Variants in SFT2D1 observed in about 807,000 individuals in gnomAD.
SFT2D1 encodes the protein SFT2 domain containing 1.
A neutral mutation model predicts 28.1 loss-of-function variants in SFT2D1; 24 were observed. The observed-to-expected ratio is 0.85, with a 90% CI of 0.62 to 1.20. SFT2D1 has a LOEUF of 1.20. Among genes scored for constraint, SFT2D1 ranks in the 50% most tolerant of loss-of-function variants. The probability of loss-of-function intolerance (pLI) is 0.00; values close to 1 mark genes in which losing one functional copy is unlikely to be tolerated. For synonymous variants in SFT2D1, 82 were observed against 73.7 expected (o/e 1.11, Z -0.58); for missense variants, 181 against 190.9 (o/e 0.95, Z 0.31).
At chr6:166,322,637 G>C (rs539281384) in intron 7 of SFT2D1, among the ~76,000 whole-genome samples, 22 of 143,588 alleles carry the variant, frequency 1.5e-4, no homozygotes, top group African/African-American at 5.5e-4. Context: ...ATTACAGTGA[G>C]CCGAGATGGT....
intron 1 of SFT2D1, among the ~76,000 whole-genome samples, chr6:166,332,404 G>A (rs747589689): frequency 2.0e-5 from 3 of 152,092 alleles, no homozygotes; most frequent in Non-Finnish European, 4.4e-5. Flanking sequence ...ACAGGTCCAC[G>A]CCACCAGGCC....
intron 1 of SFT2D1, chr6:166,335,011 G>C: frequency 4.0e-6 from 2 of 498,158 alleles, no homozygotes; most frequent in Non-Finnish European, 7.7e-6. Flanking sequence ...CCAAGAAAAG[G>C]GGCTATGCCT....
intron 4 of SFT2D1, among the ~76,000 whole-genome samples, chr6:166,327,687 C>T (rs979430986): frequency 2.0e-5 from 3 of 152,166 alleles, no homozygotes; most frequent in African/African-American, 7.2e-5. Flanking sequence ...CAGCTCTAGG[C>T]TCCATTTAAA....
intron 1 of SFT2D1, among the ~76,000 whole-genome samples, chr6:166,337,997 A>G (rs1778692242): frequency 1.3e-5 from 2 of 152,204 alleles, no homozygotes; most frequent in East Asian, 3.8e-4. Context: ...ACCAGAGGCA[A>G]CAGTGTGACA....
intron 1 of SFT2D1, among the ~76,000 whole-genome samples, chr6:166,337,415 C>G (rs1029854028): frequency 1.3e-5 from 2 of 152,164 alleles, no homozygotes; most frequent in Non-Finnish European, 2.9e-5. Flanking sequence ...GCACAGGACA[C>G]TTTGGCACTC....
At position 166,328,295 on chromosome 6, in the gene SFT2D1, A is replaced by G; in HGVS notation, c.296T>C (p.Leu99Pro). 6.3e-7 allele frequency: 1 copy of G among 1,592,412 alleles called. No homozygotes were observed. Among genetic ancestry groups the G allele is most frequent in the South Asian group, 1.2e-5 (1 of 86,416 alleles). The change falls in exon 4 of 8, where the codon CTT (leucine) becomes CCT (proline). Residue 99 changes from leucine to proline, a missense_variant. Physicochemically the swap from Leu to Pro is moderately conservative, Grantham distance 98 (BLOSUM62 -3). Transcript: ENST00000361731. ...ACTTACAAGCATAACAATTGTTGCA[A>G]GCAATCTTGTTGCTTCAAACATTTT... ...LKKMFEATRL[L>P]ATIVMLLCFI...
chr6:166,328,422 AACT>A (rs1426961698), intron 3 of SFT2D1, 65 bp from the exon 4 acceptor site: 2 of 959,636 alleles, frequency 2.1e-6, no homozygotes, highest in South Asian at 4.2e-5. Context: ...TGCAAAAATA[AACT>A]ACTTTTTTAA....
intron 4 of SFT2D1, 22 bp downstream of exon 4, chr6:166,328,254 T>A (rs1352144710): frequency 2.0e-6 from 3 of 1,514,856 alleles, no homozygotes; most frequent in East Asian, 2.3e-5. Flanking sequence ...ATAAAAGTTT[T>A]AAAAATGTAT....
At chr6:166,332,213 GA>G (rs888502655) in intron 1 of SFT2D1, among the ~76,000 whole-genome samples, 1 of 152,176 alleles carries the variant, frequency 6.6e-6, no homozygotes, top group Non-Finnish European at 1.5e-5. Flanking sequence ...CAACATGAAA[GA>G]AAACCTGGCA....
At chr6:166,339,056 C>T (rs554355360) in intron 1 of SFT2D1, among the ~76,000 whole-genome samples, 3 of 152,248 alleles carry the variant, frequency 2.0e-5, no homozygotes, top group East Asian at 1.9e-4. Context: ...CTGCACAAGA[C>T]GTGCAACACT....
At chr6:166,321,704 C>A (rs777856858) in intron 7 of SFT2D1, among the ~76,000 whole-genome samples, 3 of 152,224 alleles carry the variant, frequency 2.0e-5, no homozygotes, top group Non-Finnish European at 4.4e-5. Flanking sequence ...AGCTGTGCCT[C>A]ACCAGAATCT....
Position 166,320,104 on chromosome 6 carries a change from A to C in SFT2D1, c.*113T>G, listed in dbSNP as rs1470080523. 8 of 889,238 alleles carry C rather than the reference A, an allele frequency of 9.0e-6. No individual in the cohort carries two copies. Among genetic ancestry groups the C allele is most frequent in the Non-Finnish European group, 1.4e-5 (8 of 555,326 alleles). The allele number at this position is 889,238 out of a possible 1,614,324, so 55.1% of individuals were successfully genotyped here. On this transcript the variant is annotated 3_prime_UTR_variant, in exon 8 of 8. Coordinates refer to ENST00000361731, the MANE Select transcript of SFT2D1 (RefSeq NM_145169.3). Reference sequence around the variant, plus strand: ...TATACAAAATGAGACTTAGTACAAAACGGTCTTCAACTGTCACGTCAGTTG... The same window carrying C: ...TATACAAAATGAGACTTAGTACAAACCGGTCTTCAACTGTCACGTCAGTTG...
At chr6:166,333,167 C>T (rs975995145) in intron 1 of SFT2D1, among the ~76,000 whole-genome samples, 2 of 152,234 alleles carry the variant, frequency 1.3e-5, no homozygotes, top group African/African-American at 4.8e-5. Context: ...AAGAAACAGA[C>T]ATCCGCAGAC....
intron 1 of SFT2D1, among the ~76,000 whole-genome samples, 174 bp downstream of exon 1, chr6:166,342,245 T>G (rs1310371448): frequency 6.6e-6 from 1 of 152,010 alleles, no homozygotes; most frequent in African/African-American, 2.4e-5. Context: ...CATGGAAAAC[T>G]GGAAAGTTCT....
At position 166,320,117 on chromosome 6, in the gene SFT2D1, G is replaced by C. The variant is rs1282788938; in HGVS notation, c.*100C>G. The C allele has an allele frequency of 2.7e-6, 3 of 1,094,518 alleles. No homozygotes were observed. The African/African-American group carries it at 4.7e-5, about 17-fold the overall frequency. 67.8% of individuals were successfully genotyped at this position (1,094,518 alleles called of 1,614,324 possible). On this transcript the variant is annotated 3_prime_UTR_variant, in exon 8 of 8. Coordinates refer to ENST00000361731, the MANE Select transcript of SFT2D1 (RefSeq NM_145169.3). ...ACTTAGTACAAAACGGTCTTCAACT[G>C]TCACGTCAGTTGTTCCTGGAGTGTT...
chr6:166,323,597 G>A (rs1197259831), intron 6 of SFT2D1: 1 of 152,226 alleles, frequency 6.6e-6, no homozygotes, highest in Non-Finnish European at 1.5e-5. Context: ...TGGCCTTTAT[G>A]CAGATGAACT....
intron 1 of SFT2D1, among the ~76,000 whole-genome samples, chr6:166,338,816 A>G (rs938978782): frequency 3.3e-5 from 5 of 152,118 alleles, no homozygotes; most frequent in African/African-American, 7.2e-5. Context: ...ATCTGGCTCA[A>G]TATCTCTCCC....
chr6:166,337,973 C>A (rs1778691687), intron 1 of SFT2D1, among the ~76,000 whole-genome samples: 1 of 152,104 alleles, frequency 6.6e-6, no homozygotes, highest in African/African-American at 2.4e-5. Context: ...TGCTCTCTGC[C>A]ATGTCAAGAT....
intron 1 of SFT2D1, among the ~76,000 whole-genome samples, chr6:166,332,743 G>C (rs1778573940): frequency 6.6e-6 from 1 of 152,212 alleles, no homozygotes; most frequent in Non-Finnish European, 1.5e-5. Flanking sequence ...GAAGCCAAGA[G>C]AATACAGGCC....
Sources: allele counts gnomAD v4.1 joint callset (sites outside exome capture counted in the v4.1 genomes callset), GRCh38; gene constraint gnomAD v4.1.1; transcripts MANE v1.5; gene names NCBI Gene and HGNC (gene_info 2026-07-23, HGNC 2026-07-21).